The following DGKH variants were observed in gnomAD, a reference collection of about 807,000 sequenced individuals.
DGKH encodes the protein DAG kinase eta.
Under a neutral mutation model 159.3 loss-of-function variants are expected in DGKH, and 90 were observed. That is an observed-to-expected ratio of 0.57 (90% CI 0.48 to 0.67). The LOEUF is 0.67. Among genes scored for constraint, DGKH ranks in the 30% least tolerant of loss-of-function variants. DGKH has a pLI of 0.00. For synonymous variants in DGKH, 536 were observed against 553.8 expected (o/e 0.97, Z 0.45); for missense variants, 1,181 against 1,506.1 (o/e 0.78, Z 3.57).
At chr13:42,055,767 A>G (rs1227995132) in intron 1 of DGKH, among the ~76,000 whole-genome samples, 3 of 152,230 alleles carry the variant, frequency 2.0e-5, no homozygotes, top group Non-Finnish European at 4.4e-5. Flanking sequence ...AAAGGCCATA[A>G]CATGTTAGTA....
intron 3 of DGKH, among the ~76,000 whole-genome samples, chr13:42,139,962 G>C (rs1425252864): frequency 6.6e-6 from 1 of 152,150 alleles, no homozygotes; most frequent in Non-Finnish European, 1.5e-5. Context: ...GCCATCATAG[G>C]GGCCCAGGTT....
At chr13:42,137,268 G>A (rs1194575399) in intron 3 of DGKH, among the ~76,000 whole-genome samples, 1 of 152,116 alleles carries the variant, frequency 6.6e-6, no homozygotes. Flanking sequence ...ACACACAAAA[G>A]GTATTTAGAT....
intron 21 of DGKH, among the ~76,000 whole-genome samples, chr13:42,207,147 TTCCTTCCTTCCTTCCTTCCTTCC>T (rs1194778417): frequency 3.0e-5 from 2 of 66,562 alleles, no homozygotes; most frequent in African/African-American, 6.1e-5. Context: ...CCTTCCTTCC[TTCCTTCCTTCCTTCCTTCCTTCC>T]TTCCTTCCTT....
chr13:42,102,552 A>G (rs1222082330), intron 1 of DGKH, among the ~76,000 whole-genome samples: 1 of 152,102 alleles, frequency 6.6e-6, no homozygotes, highest in Non-Finnish European at 1.5e-5. Flanking sequence ...CAGCAGGAAA[A>G]CCTCTGCAGA....
chr13:42,111,039 T>A (rs1040022258), intron 1 of DGKH, among the ~76,000 whole-genome samples: 1 of 152,048 alleles, frequency 6.6e-6, no homozygotes, highest in African/African-American at 2.4e-5. Context: ...ATCCTGCACA[T>A]GCACCCCGGA....
chr13:42,206,811 G>A (rs921247558), intron 21 of DGKH, among the ~76,000 whole-genome samples: 5 of 151,962 alleles, frequency 3.3e-5, no homozygotes, highest in African/African-American at 1.2e-4. Flanking sequence ...AGATCACCCA[G>A]GATCATCCCC....
chr13:42,206,214 T>A, intron 21 of DGKH, 68 bp downstream of exon 21: 1 of 1,005,258 alleles, frequency 9.9e-7, no homozygotes, highest in Non-Finnish European at 1.4e-6. Context: ...TTTGCTTTTG[T>A]AAATGGGCTG....
intron 11 of DGKH, among the ~76,000 whole-genome samples, chr13:42,170,453 A>T (rs749220271): frequency 6.6e-6 from 1 of 152,126 alleles, no homozygotes; most frequent in Non-Finnish European, 1.5e-5. Context: ...ATAAAAAGTC[A>T]CTTCTCCAGG....
At chr13:42,087,150 A>G (rs1228299041) in intron 1 of DGKH, among the ~76,000 whole-genome samples, 1 of 151,826 alleles carries the variant, frequency 6.6e-6, no homozygotes, top group Non-Finnish European at 1.5e-5. Flanking sequence ...TCATATTCCC[A>G]CTGGACAGAG....
At chr13:42,064,525 AT>A (rs1428167170) in intron 1 of DGKH, among the ~76,000 whole-genome samples, 1 of 152,142 alleles carries the variant, frequency 6.6e-6, no homozygotes, top group African/African-American at 2.4e-5. Context: ...AGCTCTGGAA[AT>A]GATGTTGGAT....
intron 17 of DGKH, among the ~76,000 whole-genome samples, chr13:42,197,954 C>T (rs927368910): frequency 1.2e-4 from 18 of 152,050 alleles, no homozygotes; most frequent in African/African-American, 4.3e-4. Flanking sequence ...ATACTATATT[C>T]TTCTAAAATT....
intron 1 of DGKH, among the ~76,000 whole-genome samples, chr13:42,067,110 G>A (rs1408195101): frequency 6.6e-6 from 1 of 152,096 alleles, no homozygotes; most frequent in East Asian, 1.9e-4. Context: ...CCAGAGGTTT[G>A]CAGGAACCTA....
intron 24 of DGKH, among the ~76,000 whole-genome samples, chr13:42,211,320 G>A (rs1957652991): frequency 6.6e-6 from 1 of 152,144 alleles, no homozygotes; most frequent in African/African-American, 2.4e-5. Context: ...TGAGACTCTA[G>A]GGATGAGTCC....
intron 1 of DGKH, among the ~76,000 whole-genome samples, chr13:42,115,659 A>G (rs1360849685): frequency 6.6e-6 from 1 of 152,162 alleles, no homozygotes; most frequent in African/African-American, 2.4e-5. Context: ...TTACTTTACT[A>G]TTAGGGGAAC....
At chr13:42,062,223 G>T (rs1006990959) in intron 1 of DGKH, among the ~76,000 whole-genome samples, 1 of 152,044 alleles carries the variant, frequency 6.6e-6, no homozygotes, top group African/African-American at 2.4e-5. Flanking sequence ...AGTAAGGCAG[G>T]CATTTTCATC....
chr13:42,209,169 A>G (rs1184479106), intron 22 of DGKH, 97 bp downstream of exon 22: 13 of 1,352,404 alleles, frequency 9.6e-6, no homozygotes, highest in Non-Finnish European at 1.3e-5. Context: ...TTCATCTATA[A>G]TATTCTGACT....
Position 42,155,726 on chromosome 13 carries a change from C to G in DGKH, c.549C>G (p.His183Gln). 3 of 1,614,136 alleles carry G rather than the reference C, an allele frequency of 1.9e-6. No individual in the cohort carries two copies. Among genetic ancestry groups the G allele is most frequent in the Non-Finnish European group, 2.5e-6 (3 of 1,180,030 alleles). ...TGCACAACTGGTACGCCTGCTCCCA[C>G]GCCCGACCCACCTTCTGTAACGTGT... ...SGMHNWYACS[H>Q]ARPTFCNVCR... The change falls in exon 5 of 30, where the codon CAC becomes CAG. Residue 183 changes from histidine (H) to glutamine (Q), a missense_variant. By Grantham distance (24) the His-to-Gln change is conservative (BLOSUM62 0). Coordinates refer to ENST00000337343, the MANE Select transcript of DGKH (RefSeq NM_178009.5).
intron 29 of DGKH, among the ~76,000 whole-genome samples, chr13:42,249,884 T>C (rs761001877): frequency 6.6e-6 from 1 of 152,182 alleles, no homozygotes; most frequent in African/African-American, 2.4e-5. Context: ...TGAATCACTC[T>C]CCTTCATTGA....
At chr13:42,087,083 A>ACC (rs1555259406) in intron 1 of DGKH, among the ~76,000 whole-genome samples, 41 of 143,846 alleles carry the variant, frequency 2.9e-4, no homozygotes, top group Non-Finnish European at 4.3e-4. Context: ...ACACACACAC[A>ACC]CCTCAGAACA....
Sources: allele counts gnomAD v4.1 joint callset (sites outside exome capture counted in the v4.1 genomes callset), GRCh38; gene constraint gnomAD v4.1.1; transcripts MANE v1.5; gene names NCBI Gene and HGNC (gene_info 2026-07-23, HGNC 2026-07-21).